Variants in IFIT3 observed in about 807,000 individuals in gnomAD.
IFIT3 encodes interferon-induced protein with tetratricopeptide repeats 3.
Under a neutral mutation model 2.4 loss-of-function variants are expected in IFIT3, and 2 were observed. The observed-to-expected ratio is 0.82, with a 90% CI of 0.34 to 2.60. The LOEUF (loss-of-function observed/expected upper bound fraction) is 2.60. IFIT3 is among the 30% of genes most tolerant of loss of function. The probability of loss-of-function intolerance (pLI) is 0.11; values close to 1 mark genes in which losing one functional copy is unlikely to be tolerated. For missense variants in IFIT3, 481 were observed against 562.4 expected (o/e 0.86, Z 1.46); for synonymous variants, 203 against 212.1 (o/e 0.96, Z 0.37).
Position 89,339,110 on chromosome 10 carries a change from A to C in IFIT3, c.455A>C (p.Asn152Thr), listed in dbSNP as rs750941920. 1.2e-6 allele frequency: 2 copies of C among 1,614,142 alleles called. No individual in the cohort carries two copies. Among genetic ancestry groups the C allele is most frequent in the Non-Finnish European group, 1.7e-6 (2 of 1,180,028 alleles). ...TGGACACAACTGAAGTGTGGAAGAA[A>C]TGAAAGGGCGAAGGTGTGTTTTGAG... ...EGWTQLKCGR[N>T]ERAKVCFEKA... Residue 152 changes from asparagine (N) to threonine (T), a missense_variant, in exon 2 of 2, where the codon AAT becomes ACT. Physicochemically the swap from Asn to Thr is moderately conservative, Grantham distance 65. Coordinates refer to ENST00000371818, the MANE Select transcript of IFIT3 (RefSeq NM_001549.6).
At chr10:89,332,391 G>T in intron 1 of IFIT3, 2 of 1,008,980 alleles carry the variant, frequency 2.0e-6, no homozygotes, top group Non-Finnish European at 1.4e-6. Flanking sequence ...AATCTGTCTG[G>T]AACATGTTCC....
chr10:89,339,224 A>T lies in IFIT3; in HGVS notation c.569A>T (p.Gln190Leu), dbSNP rs1198456823. 7 of 1,614,034 alleles carry T rather than the reference A, an allele frequency of 4.3e-6. No homozygotes were observed. ...MYHLDNHPEK[Q>L]FSTDVLKQAI... is the part of the protein sequence containing the mutation. ...CATCTGGATAATCACCCAGAGAAACAGTTCTCTACTGATGTTTTGAAGCAG... is the reference window on the plus strand; with the variant it reads ...CATCTGGATAATCACCCAGAGAAACTGTTCTCTACTGATGTTTTGAAGCAG... The change falls in exon 2 of 2, where the codon CAG becomes CTG. Residue 190 changes from glutamine (Q) to leucine (L), a missense_variant. Coordinates refer to ENST00000371818, the MANE Select transcript of IFIT3 (RefSeq NM_001549.6).
intron 1 of IFIT3, among the ~76,000 whole-genome samples, chr10:89,336,202 G>GA: frequency 1.3e-5 from 2 of 150,294 alleles, no homozygotes; most frequent in Middle Eastern, 6.8e-3. Flanking sequence ...AGGAAAGAAG[G>GA]AAAATAGGGA....
rs558559821 is a variant in IFIT3 at position 89,338,261 on chromosome 10, G to A, written c.6-400G>A. The A allele has an allele frequency of 7.2e-4, 119 of 165,060 alleles. 1 individual carries two copies. Among genetic ancestry groups the A allele is most frequent in the African/African-American group, 2.8e-3 (115 of 41,772 alleles). The allele number at this position is 165,060 out of a possible 1,614,324, so 10.2% of individuals were successfully genotyped here. ...AAGCTGGAGACCAAGGAAAGTTGAT[G>A]GTGTAGTCCCAGTCCAAGTCTAAAA... On this transcript the variant is annotated intron_variant, in intron 1 of 1. Transcript: ENST00000371818.
chr10:89,336,198 G>T (rs1245340427), intron 1 of IFIT3, among the ~76,000 whole-genome samples: 1 of 150,886 alleles, frequency 6.6e-6, no homozygotes, highest in African/African-American at 2.4e-5. Context: ...AGGGAGGAAA[G>T]AAGGAAAATA....
intron 1 of IFIT3, chr10:89,338,378 T>G (rs9663529): frequency 0.039 from 13,067 of 332,234 alleles, 839 homozygotes; most frequent in African/African-American, 0.18. Flanking sequence ...AAGCAGTCGG[T>G]CAGAGGGAGA....
intron 1 of IFIT3, among the ~76,000 whole-genome samples, chr10:89,328,785 A>G (rs1249198495): frequency 6.6e-6 from 1 of 152,202 alleles, no homozygotes; most frequent in Non-Finnish European, 1.5e-5. Context: ...GACCTAATCT[A>G]TTATCTAAAA....
intron 1 of IFIT3, chr10:89,338,218 C>A: frequency 6.3e-6 from 1 of 159,980 alleles, no homozygotes; most frequent in Non-Finnish European, 1.4e-5. Context: ...CTGGCAAGTC[C>A]CATAATCTGT....
rs539292238 is a variant in IFIT3, at chr10:89,338,326, C to T, written c.6-335C>T. 3.4e-5 allele frequency: 7 copies of T among 204,034 alleles called. No individual in the cohort carries two copies. The South Asian group carries it at 7.5e-4, about 22-fold the overall frequency. 12.6% of individuals were successfully genotyped at this position (204,034 alleles called of 1,614,324 possible). ...TAAGCCAATGGTGAAAGTTCTAGTC[C>T]AAGTCTAGTCTAAGGGCAGAAAAAG... On this transcript the variant is annotated intron_variant, in intron 1 of 1. Coordinates refer to ENST00000371818, the MANE Select transcript of IFIT3 (RefSeq NM_001549.6).
intron 1 of IFIT3, among the ~76,000 whole-genome samples, chr10:89,335,846 C>T (rs1198791714): frequency 1.3e-5 from 2 of 152,192 alleles, no homozygotes; most frequent in Non-Finnish European, 2.9e-5. Context: ...AGTGGCATAA[C>T]AGATATAAGC....
rs901553122 is a variant in IFIT3 at position 89,340,221 on chromosome 10, T to C, written c.*93T>C. On this transcript the variant is annotated 3_prime_UTR_variant, in exon 2 of 2. Transcript: ENST00000371818. ...ACAGGGGGCCCCAACCTGGGATTGC[T>C]GAGCAGGGAAGCTTTGCATGTTGCT... 3.8e-6 allele frequency: 5 copies of C among 1,329,744 alleles called. No individual in the cohort carries two copies. The highest frequency in any genetic ancestry group is 5.1e-6 in the Non-Finnish European group (5 of 982,834). 82.4% of individuals were successfully genotyped at this position (1,329,744 alleles called of 1,614,324 possible).
chr10:89,338,857 G>A lies in IFIT3; in HGVS notation c.202G>A (p.Glu68Lys), dbSNP rs768572371. ...AYIKHLDGNN[E>K]AALECLRQAE... ...CATAAAACACCTAGATGGTAACAAC[G>A]AGGCAGCCCTGGAATGCTTACGGCA... is the stretch of plus-strand genomic sequence containing the variant. The change falls in exon 2 of 2, where the codon GAG (glutamate) becomes AAG (lysine). Residue 68 changes from glutamate (E) to lysine (K), a missense_variant. By Grantham distance (56) the Glu-to-Lys change is moderately conservative. Transcript: ENST00000371818. 19 of 1,613,978 alleles carry A rather than the reference G, an allele frequency of 1.2e-5. No homozygotes were observed. Among genetic ancestry groups the A allele is most frequent in the Middle Eastern group, 1.6e-4 (1 of 6,084 alleles).
rs369603409 is a variant in IFIT3 at position 89,331,152 on chromosome 10, CTTG to C, written c.5+3086_5+3088del. 2.1e-4 allele frequency among the ~76,000 whole-genome samples: 32 copies of C among 152,216 alleles called. 1 individual carries two copies. The East Asian group carries it at 5.0e-3, about 24-fold the overall frequency. ...GGTGTTCAACAGAATGACAACTTCT[CTTG>C]TTGTTGTTGTTTTTGTTGTTGCTGT... On this transcript the variant is annotated intron_variant, in intron 1 of 1. Transcript: ENST00000371818.
At position 89,340,196 on chromosome 10, in the gene IFIT3, A is replaced by G; in HGVS notation, c.*68A>G. 2.0e-6 allele frequency: 3 copies of G among 1,488,992 alleles called. No individual in the cohort carries two copies. In the South Asian group the frequency reaches 4.2e-5, roughly 21 times the overall value. 92.2% of individuals were successfully genotyped at this position (1,488,992 alleles called of 1,614,324 possible). On this transcript the variant is annotated 3_prime_UTR_variant, in exon 2 of 2. Transcript: ENST00000371818. ...TTGTGACGGGTAGGACGATAGGAAG[A>G]CAGGGGGCCCCAACCTGGGATTGCT...
rs751456333 is a variant in IFIT3 at position 89,339,752 on chromosome 10, A to G, written c.1097A>G (p.Asn366Ser). The G allele has an allele frequency of 2.5e-6, 4 of 1,614,202 alleles. No homozygotes were observed. The highest frequency in any genetic ancestry group is 1.3e-5 in the African/African-American group (1 of 75,064). ...CAACAATCCCATCAGCGCTACTGCAACCTTCAGAAATATAATGGGAAGTCT... is the reference window on the plus strand; with the variant it reads ...CAACAATCCCATCAGCGCTACTGCAGCCTTCAGAAATATAATGGGAAGTCT... The part of the protein sequence containing the change: ...EKQQSHQRYC[N>S]LQKYNGKSED... The change falls in exon 2 of 2, where the codon AAC becomes AGC. Residue 366 changes from asparagine to serine, a missense_variant. Transcript: ENST00000371818.
intron 1 of IFIT3, 47 bp from the exon 2 acceptor site, chr10:89,338,614 G>C: frequency 6.4e-7 from 1 of 1,554,752 alleles, no homozygotes; most frequent in South Asian, 1.2e-5. Context: ...ACAGGGTGCA[G>C]TGCTTGGCAG....
chr10:89,334,478 C>CTTTTTTTTTTTTTTTTTTTTTTTTTTT lies in IFIT3; in HGVS notation c.6-4174_6-4148dup, dbSNP rs578154457. Among the ~76,000 whole-genome samples the CTTTTTTTTTTTTTTTTTTTTTTTTTTT allele has an allele frequency of 4.3e-4, 11 of 25,334 alleles. 1 individual carries two copies. The highest frequency in any genetic ancestry group is 0.056 in the Middle Eastern group (1 of 18). 16.6% of individuals were successfully genotyped at this position (25,334 alleles called of 152,430 possible). On this transcript the variant is annotated intron_variant, in intron 1 of 1. Transcript: ENST00000371818. ...TGTTTTTTCTTCTTTTTCTTTTATT[C>CTTTTTTTTTTTTTTTTTTTTTTTTTTT]TTTTTTTTTTTTTTTTTTTTTTTTT... is the stretch of plus-strand genomic sequence containing the variant.
chr10:89,338,558 TG>T, intron 1 of IFIT3, 102 bp from the exon 2 acceptor site: 1 of 1,100,976 alleles, frequency 9.1e-7, no homozygotes, highest in Non-Finnish European at 1.3e-6. Flanking sequence ...ACCAAATATC[TG>T]GGCATCCTGT....
intron 1 of IFIT3, chr10:89,338,136 C>G (rs1843776087): frequency 6.5e-6 from 1 of 153,494 alleles, no homozygotes. Context: ...GGATATAACC[C>G]CATCATAAGT....
Sources: gnomAD v4.1 joint callset for allele counts (sites outside exome capture counted in the v4.1 genomes callset) on GRCh38, gnomAD v4.1.1 for gene constraint, MANE v1.5 for transcripts, NCBI Gene and HGNC (gene_info 2026-07-23, HGNC 2026-07-21) for gene names.